The following C2orf42 variants were observed in gnomAD, a reference collection of about 807,000 sequenced individuals.
C2orf42 encodes the protein chromosome 2 open reading frame 42.
In C2orf42, 44 loss-of-function variants were observed where a neutral mutation model predicts 58.9. The ratio of observed to expected loss-of-function variants is 0.75; its 90% CI spans 0.59 to 0.96. The LOEUF (loss-of-function observed/expected upper bound fraction) is 0.96, where lower values mean the gene tolerates loss of function less well. Ranked by LOEUF, C2orf42 falls within the 40% of genes least tolerant of loss-of-function variation. The pLI is 0.00. For synonymous variants in C2orf42, 239 were observed against 265.4 expected (o/e 0.90, Z 0.97); for missense variants, 630 against 699.2 (o/e 0.90, Z 1.12).
intron 9 of C2orf42, among the ~76,000 whole-genome samples, chr2:70,159,481 G>A (rs1031528007): frequency 4.6e-5 from 7 of 151,338 alleles, no homozygotes; most frequent in Non-Finnish European, 7.4e-5. Context: ...CCAGCTACTC[G>A]GGAGGCTGAG....
chr2:70,172,980 TAGCAAAACCCCATCTCTACC>T (rs1673929488), intron 5 of C2orf42, among the ~76,000 whole-genome samples: 1 of 151,964 alleles, frequency 6.6e-6, no homozygotes, highest in African/African-American at 2.4e-5. Flanking sequence ...CTGGCCAACA[TAGCAAAACCCCATCTCTACC>T]AAAAATACAA....
In C2orf42 at chr2:70,175,761, A is replaced by G; in HGVS notation, c.951T>C (p.Ser317=). The change falls in exon 5 of 10, where the codon AGT becomes AGC. Residue 317 remains serine, a synonymous_variant. Transcript: ENST00000264434. ...TCACTGCATCTTGAGGCAGTAGTGA[A>G]CTGTTCATCTGTGCACCTAAACCAC... is the stretch of plus-strand genomic sequence containing the variant. ...KDEVSGAQMN[S]SLLPQDAVSS... 6.2e-7 allele frequency: 1 copy of G among 1,608,484 alleles called. No homozygotes were observed. The highest frequency in any genetic ancestry group is 8.5e-7 in the Non-Finnish European group (1 of 1,174,960).
At chr2:70,177,604 A>G (rs1382844408) in intron 4 of C2orf42, among the ~76,000 whole-genome samples, 1 of 152,126 alleles carries the variant, frequency 6.6e-6, no homozygotes, top group Non-Finnish European at 1.5e-5. Context: ...ATCCCTAGCA[A>G]TATTTCCTAT....
At chr2:70,162,025 T>C (rs1449512630) in intron 8 of C2orf42, among the ~76,000 whole-genome samples, 1 of 151,702 alleles carries the variant, frequency 6.6e-6, no homozygotes, top group African/African-American at 2.4e-5. Flanking sequence ...TTTTCTTTTT[T>C]TTTGGAGATG....
intron 5 of C2orf42, among the ~76,000 whole-genome samples, chr2:70,171,448 G>A (rs561367829): frequency 3.9e-5 from 6 of 152,236 alleles, no homozygotes. Flanking sequence ...ACGCACTGTG[G>A]GTTGCAATGA....
chr2:70,181,063 G>C, intron 3 of C2orf42, 100 bp downstream of exon 3: 2 of 489,392 alleles, frequency 4.1e-6, no homozygotes, highest in Non-Finnish European at 7.3e-6. Flanking sequence ...TCTAGCAACT[G>C]TTTCTGAAGG....
intron 8 of C2orf42, among the ~76,000 whole-genome samples, chr2:70,162,222 G>A (rs920485864): frequency 2.0e-5 from 3 of 151,866 alleles, no homozygotes; most frequent in African/African-American, 7.2e-5. Flanking sequence ...TGTTGGCGAA[G>A]CTGGTCTCAA....
intron 4 of C2orf42, among the ~76,000 whole-genome samples, chr2:70,176,453 G>A (rs895057820): frequency 1.2e-4 from 18 of 151,320 alleles, no homozygotes; most frequent in South Asian, 2.1e-4. Flanking sequence ...GCAGTGAGCC[G>A]AGACTGCGCC....
At position 70,179,555 on chromosome 2, in the gene C2orf42, T is replaced by A. The variant is rs1253277016; in HGVS notation, c.911A>T (p.Lys304Met). The A allele has an allele frequency of 2.0e-6, 3 of 1,523,532 alleles. No individual in the cohort carries two copies. Among genetic ancestry groups the A allele is most frequent in the Admixed American group, 1.7e-5 (1 of 59,542 alleles). 94.4% of individuals were successfully genotyped at this position (1,523,532 alleles called of 1,614,324 possible). The change falls in exon 4 of 10, where the codon AAG becomes ATG. Residue 304 changes from lysine to methionine, a missense_variant. Physicochemically the swap from Lys to Met is moderately conservative, Grantham distance 95. Transcript: ENST00000264434. ...ACCAGATACTTCATCCTTTCTCCTC[T>A]TCTTTGACTTAGAGGCAGTAGACTC... ...ACESTASKSK[K>M]RRKDEVSGAQ...
chr2:70,150,397 G>A lies in C2orf42; in HGVS notation c.1684C>T (p.Pro562Ser), dbSNP rs763096845. 13 of 1,613,960 alleles carry A rather than the reference G, an allele frequency of 8.1e-6. No individual in the cohort carries two copies. Among genetic ancestry groups the A allele is most frequent in the African/African-American group, 5.3e-5 (4 of 74,910 alleles). The change falls in exon 10 of 10, where the codon CCC becomes TCC. Residue 562 changes from proline (P) to serine (S), a missense_variant. Coordinates refer to ENST00000264434, the MANE Select transcript of C2orf42 (RefSeq NM_017880.3). ...YQDQRPPLDQ[P>S]LELAPLTTIT... is the part of the protein sequence containing the mutation. ...GTGGTCAGAGGGGCCAGTTCCAAGG[G>A]CTGGTCCAAGGGGGGCCGCTGGTCT...
At chr2:70,164,374 A>G (rs1315765460) in intron 8 of C2orf42, among the ~76,000 whole-genome samples, 1 of 151,802 alleles carries the variant, frequency 6.6e-6, no homozygotes, top group Non-Finnish European at 1.5e-5. Context: ...GGGCAGGCAC[A>G]GTGGCTCATG....
At chr2:70,187,540 C>G (rs1675030653) in intron 1 of C2orf42, among the ~76,000 whole-genome samples, 1 of 152,124 alleles carries the variant, frequency 6.6e-6, no homozygotes, top group Non-Finnish European at 1.5e-5. Context: ...GCATGAGCCA[C>G]TGTGCCCAGT....
intron 1 of C2orf42, among the ~76,000 whole-genome samples, chr2:70,187,505 G>A (rs994423588): frequency 2.0e-5 from 3 of 151,934 alleles, no homozygotes; most frequent in Non-Finnish European, 4.4e-5. Context: ...TGCCTGCCTC[G>A]GCCTCTCAAG....
At chr2:70,163,367 C>A (rs1320538814) in intron 8 of C2orf42, among the ~76,000 whole-genome samples, 1 of 151,774 alleles carries the variant, frequency 6.6e-6, no homozygotes, top group African/African-American at 2.4e-5. Flanking sequence ...GACTCAGCCT[C>A]CCGAGTAGCT....
In C2orf42 at chr2:70,150,100, T is replaced by C. The variant is rs972293264; in HGVS notation, c.*256A>G. 7.7e-6 allele frequency: 4 copies of C among 516,606 alleles called. No homozygotes were observed. The highest frequency in any genetic ancestry group is 1.9e-5 in the African/African-American group (1 of 52,344). The allele number at this position is 516,606 out of a possible 1,614,324, so 32.0% of individuals were successfully genotyped here. A position where few individuals can be genotyped will look rare whatever the true frequency, so the allele number is the denominator to read the frequency against. On this transcript the variant is annotated 3_prime_UTR_variant, in exon 10 of 10. Transcript: ENST00000264434. Reference sequence around the variant, plus strand: ...CGTAAGAAGGAAAATAAGCTGGTTTTCTTTCTGTTCCTTTTAAAACTCTAG... The same window carrying C: ...CGTAAGAAGGAAAATAAGCTGGTTTCCTTTCTGTTCCTTTTAAAACTCTAG...
intron 9 of C2orf42, among the ~76,000 whole-genome samples, chr2:70,151,376 C>G (rs1446666581): frequency 6.6e-6 from 1 of 152,206 alleles, no homozygotes; most frequent in East Asian, 1.9e-4. Context: ...TGGCTTACAC[C>G]TGTAATTCCA....
At position 70,181,429 on chromosome 2, in the gene C2orf42, T is replaced by C; in HGVS notation, c.557A>G (p.Lys186Arg). The C allele has an allele frequency of 6.2e-7, 1 of 1,614,108 alleles. No individual in the cohort carries two copies. The highest frequency in any genetic ancestry group is 8.5e-7 in the Non-Finnish European group (1 of 1,180,016). The change falls in exon 3 of 10, where the codon AAA becomes AGA. Residue 186 changes from lysine (K) to arginine (R), a missense_variant. Lys to Arg is a conservative substitution (Grantham distance 26). Transcript: ENST00000264434. ...CTTGCATTTCACCACCAAGATGTTT[T>C]TAGTAATTCTCTGCACCAGAGGACC... ...PTGPLVQRIT[K>R]NILVVKCKAS...
intron 1 of C2orf42, chr2:70,190,411 T>C (rs1014957173): frequency 1.3e-5 from 2 of 152,232 alleles, no homozygotes; most frequent in African/African-American, 4.8e-5. Flanking sequence ...CTGAGTACAC[T>C]GCGTGTTAAA....
At chr2:70,171,550 G>A (rs1449545436) in intron 5 of C2orf42, among the ~76,000 whole-genome samples, 1 of 151,876 alleles carries the variant, frequency 6.6e-6, no homozygotes, top group Non-Finnish European at 1.5e-5. Context: ...TTGCTCTGTT[G>A]CCCAGGCTAG....
Sources: gnomAD v4.1 joint callset for allele counts (sites outside exome capture counted in the v4.1 genomes callset) on GRCh38, gnomAD v4.1.1 for gene constraint, MANE v1.5 for transcripts, NCBI Gene and HGNC (gene_info 2026-07-23, HGNC 2026-07-21) for gene names.